The following CTDSP2 variants were observed in gnomAD, a reference collection of about 807,000 sequenced individuals.
CTDSP2 encodes the protein CTD small phosphatase 2.
In CTDSP2, 9 loss-of-function variants were observed where a neutral mutation model predicts 31.6. The observed-to-expected ratio is 0.28, with a 90% CI of 0.17 to 0.50. The LOEUF (loss-of-function observed/expected upper bound fraction) is 0.50, where lower values mean the gene tolerates loss of function less well. Ranked by LOEUF, CTDSP2 falls within the 20% of genes least tolerant of loss-of-function variation. The pLI is 0.98. For missense variants in CTDSP2, 267 were observed against 348.5 expected (o/e 0.77, Z 1.86); for synonymous variants, 134 against 134.5 (o/e 1.00, Z 0.03).
intron 1 of CTDSP2, among the ~76,000 whole-genome samples, chr12:57,845,250 G>A (rs769939968): frequency 3.9e-4 from 59 of 152,190 alleles, no homozygotes; most frequent in Non-Finnish European, 7.5e-4. Context: ...GCTCTCTAGA[G>A]AAACGCCACA....
chr12:57,836,659 C>G (rs1956249559), intron 1 of CTDSP2, among the ~76,000 whole-genome samples: 1 of 151,826 alleles, frequency 6.6e-6, no homozygotes, highest in Admixed American at 6.6e-5. Context: ...AAAAAGTGTA[C>G]ATGTACAAAC....
chr12:57,844,641 G>C (rs1956302842), intron 1 of CTDSP2, among the ~76,000 whole-genome samples: 1 of 152,084 alleles, frequency 6.6e-6, no homozygotes, highest in African/African-American at 2.4e-5. Flanking sequence ...AGTCAGGAGT[G>C]AGCTATAAAC....
At position 57,820,770 on chromosome 12, in the gene CTDSP2, C is replaced by T. The variant is rs1956140024; in HGVS notation, c.*2832G>A. ...ACAATGTGCAGAGTGGAAACCCTTA[C>T]CTGACCCTTTTCCAAACTGGTCCTG... On this transcript the variant is annotated 3_prime_UTR_variant, in exon 8 of 8. Coordinates refer to ENST00000398073, the MANE Select transcript of CTDSP2 (RefSeq NM_005730.4). The T allele has an allele frequency of 6.6e-6, 1 of 152,352 alleles. No homozygotes were observed. The highest frequency in any genetic ancestry group is 1.5e-5 in the Non-Finnish European group (1 of 68,056). The allele number at this position is 152,352 out of a possible 1,614,324, so 9.4% of individuals were successfully genotyped here.
intron 1 of CTDSP2, among the ~76,000 whole-genome samples, chr12:57,835,371 G>A (rs1304790523): frequency 1.3e-5 from 2 of 150,216 alleles, no homozygotes; most frequent in African/African-American, 4.9e-5. Flanking sequence ...TGCCCAGGCT[G>A]GCCTTGAACT....
intron 1 of CTDSP2, among the ~76,000 whole-genome samples, chr12:57,838,799 C>T (rs932965069): frequency 3.9e-5 from 6 of 152,212 alleles, no homozygotes. Context: ...GGAAGACTAC[C>T]TATTTCTCAG....
At position 57,827,538 on chromosome 12, in the gene CTDSP2, C is replaced by G. The variant is rs774840690; in HGVS notation, c.252+14G>C. 1 of 1,613,728 alleles carries G rather than the reference C, an allele frequency of 6.2e-7. No individual in the cohort carries two copies. Among genetic ancestry groups the G allele is most frequent in the East Asian group, 2.2e-5 (1 of 44,874 alleles). ...TCCTGGCTTCTGAGTACTTACCAGG[C>G]CAGAGTCACGTACCTGGTAGAACTG... On this transcript the variant is annotated intron_variant, in intron 3 of 7. Coordinates refer to ENST00000398073, the MANE Select transcript of CTDSP2 (RefSeq NM_005730.4).
At chr12:57,824,378 G>A in intron 5 of CTDSP2, 59 bp from the exon 6 acceptor site, 1 of 1,260,518 alleles carries the variant, frequency 7.9e-7, no homozygotes, top group Non-Finnish European at 1.2e-6. Context: ...TTGCAGTACT[G>A]GGTACCTTCA....
Position 57,823,445 on chromosome 12 carries a change from C to T in CTDSP2, c.*157G>A, listed in dbSNP as rs78387261. ...ATCATTGGTCTGGCATTCGCCCACTCGGCATCTAAGCTGTCCTAAAGCTCT... is the reference window on the plus strand; with the variant it reads ...ATCATTGGTCTGGCATTCGCCCACTTGGCATCTAAGCTGTCCTAAAGCTCT... On this transcript the variant is annotated 3_prime_UTR_variant, in exon 8 of 8. Coordinates refer to ENST00000398073, the MANE Select transcript of CTDSP2 (RefSeq NM_005730.4). The T allele has an allele frequency of 2.0e-5, 16 of 793,008 alleles. No homozygotes were observed. Among genetic ancestry groups the T allele is most frequent in the Admixed American group, 1.6e-4 (6 of 36,526 alleles). The allele number at this position is 793,008 out of a possible 1,614,324, so 49.1% of individuals were successfully genotyped here.
At chr12:57,842,189 C>T (rs191324852) in intron 1 of CTDSP2, 12 of 152,324 alleles carry the variant, frequency 7.9e-5, no homozygotes, top group Admixed American at 2.6e-4. Flanking sequence ...CACATACACA[C>T]AATCCCATAT....
At chr12:57,830,223 A>C (rs1224518067) in intron 1 of CTDSP2, among the ~76,000 whole-genome samples, 1 of 152,154 alleles carries the variant, frequency 6.6e-6, no homozygotes, top group Non-Finnish European at 1.5e-5. Flanking sequence ...GTCTCTACTA[A>C]AAATACAAAA....
chr12:57,827,367 C>T (rs1047524876), intron 3 of CTDSP2, 185 bp downstream of exon 3: 1 of 667,790 alleles, frequency 1.5e-6, no homozygotes, highest in Non-Finnish European at 2.6e-6. Flanking sequence ...GGAGCACCAG[C>T]TGTCCCCTAA....
At position 57,821,991 on chromosome 12, in the gene CTDSP2, T is replaced by G. The variant is rs774584871; in HGVS notation, c.*1611A>C. The stretch of plus-strand genomic sequence containing the variant: ...TAGGGTGTGGCAATGGAAGGGATGA[T>G]GGGGAAGAGTCCTGAGTGGGTGGTG... On this transcript the variant is annotated 3_prime_UTR_variant, in exon 8 of 8. Transcript: ENST00000398073. The G allele has an allele frequency of 3.9e-5, 6 of 152,174 alleles. No individual in the cohort carries two copies. Among genetic ancestry groups the G allele is most frequent in the African/African-American group, 1.4e-4 (6 of 41,388 alleles). 9.4% of individuals were successfully genotyped at this position (152,174 alleles called of 1,614,324 possible).
intron 1 of CTDSP2, among the ~76,000 whole-genome samples, chr12:57,832,205 ACTT>A (rs1956219713): frequency 6.6e-6 from 1 of 152,198 alleles, no homozygotes; most frequent in Non-Finnish European, 1.5e-5. Flanking sequence ...GCCATTGGAA[ACTT>A]TTTAGAAAAT....
intron 1 of CTDSP2, chr12:57,842,719 G>A (rs779412876): frequency 6.6e-6 from 1 of 152,474 alleles, no homozygotes; most frequent in Non-Finnish European, 1.5e-5. Flanking sequence ...AAGACCCAGG[G>A]TAGGCAAAGG....
At chr12:57,827,924 T>G (rs184932341) in intron 2 of CTDSP2, among the ~76,000 whole-genome samples, 174 of 152,240 alleles carry the variant, frequency 1.1e-3, no homozygotes, top group Non-Finnish European at 1.8e-3. Context: ...AAGTCTGAAT[T>G]CCTCACAGTG....
chr12:57,837,705 A>AATAG (rs1362658987), intron 1 of CTDSP2, among the ~76,000 whole-genome samples: 1 of 152,092 alleles, frequency 6.6e-6, no homozygotes, highest in Non-Finnish European at 1.5e-5. Flanking sequence ...TAAATAAATA[A>AATAG]ATAAATAAAA....
Position 57,824,060 on chromosome 12 carries a change from G to A in CTDSP2, c.534C>T (p.Asp178=). 1 of 1,614,026 alleles carries A rather than the reference G, an allele frequency of 6.2e-7. No individual in the cohort carries two copies. The highest frequency in any genetic ancestry group is 8.5e-7 in the Non-Finnish European group (1 of 1,179,986). Residue 178 remains aspartate (D), a synonymous_variant, in exon 7 of 8, where the codon GAC becomes GAT. Coordinates refer to ENST00000398073, the MANE Select transcript of CTDSP2 (RefSeq NM_005730.4). Reference sequence around the variant, plus strand: ...GGCGGGCCCGGAACACCCCACACCGGTCCAGCAGGTCTGTCACAGGGTCGG... The same window carrying A: ...GGCGGGCCCGGAACACCCCACACCGATCCAGCAGGTCTGTCACAGGGTCGG... The part of the protein sequence containing the change: ...KYADPVTDLL[D]RCGVFRARLF...
At chr12:57,837,269 A>C (rs1458680347) in intron 1 of CTDSP2, 2 of 152,204 alleles carry the variant, frequency 1.3e-5, no homozygotes, top group African/African-American at 2.4e-5. Context: ...CCCACACACA[A>C]AAGACTGCAA....
intron 5 of CTDSP2, 174 bp from the exon 6 acceptor site, chr12:57,824,493 G>C: frequency 1.5e-6 from 1 of 668,440 alleles, no homozygotes; most frequent in South Asian, 1.6e-5. Flanking sequence ...CCGGAGAACT[G>C]GCTGTACCCC....
Sources: gnomAD v4.1 joint callset for allele counts (sites outside exome capture counted in the v4.1 genomes callset) on GRCh38, gnomAD v4.1.1 for gene constraint, MANE v1.5 for transcripts, NCBI Gene and HGNC (gene_info 2026-07-23, HGNC 2026-07-21) for gene names.